Variants in LRRK1 observed in about 807,000 individuals in gnomAD.
The protein encoded by LRRK1 is leucine-rich repeat serine/threonine-protein kinase 1.
LRRK1 carries 113 observed loss-of-function variants against 209.1 expected under a neutral mutation model. The ratio of observed to expected loss-of-function variants is 0.54; its 90% confidence interval spans 0.46 to 0.63. The LOEUF is 0.63. LRRK1 is among the 30% of genes least tolerant of loss of function. LRRK1 has a pLI of 0.00. For missense variants in LRRK1, 2,284 were observed against 2,632.2 expected (o/e 0.87, Z 2.89); for synonymous variants, 1,144 against 1,099.7 (o/e 1.04, Z -0.80).
chr15:100,933,461 TATTA>T (rs774066375), intron 2 of LRRK1, among the ~76,000 whole-genome samples: 2 of 152,228 alleles, frequency 1.3e-5, no homozygotes, highest in African/African-American at 4.8e-5. Context: ...CTGGAACTCC[TATTA>T]ATTAAGATAC....
intron 6 of LRRK1, among the ~76,000 whole-genome samples, chr15:101,003,282 C>A (rs940570625): frequency 4.6e-5 from 7 of 152,190 alleles, no homozygotes; most frequent in African/African-American, 1.7e-4. Flanking sequence ...ACTTCCCTCC[C>A]AGCTTGAGTT....
At position 101,026,033 on chromosome 15, in the gene LRRK1, T is replaced by C; in HGVS notation, c.2301T>C (p.Arg767=). The C allele has an allele frequency of 1.2e-6, 2 of 1,614,230 alleles. No individual in the cohort carries two copies. Among genetic ancestry groups the C allele is most frequent in the South Asian group, 1.1e-5 (1 of 91,082 alleles). Residue 767 remains arginine (R), a synonymous_variant, in exon 17 of 34, where the codon CGT becomes CGC. Coordinates refer to ENST00000388948, the MANE Select transcript of LRRK1 (RefSeq NM_024652.6). ...TGGATTTAATTGAAGCCAAGTTCCG[T>C]GTGGAAAGGATTGCAACGCTGCGTG... The part of the protein sequence containing the change: ...THLDLIEAKF[R]VERIATLRAY...
chr15:100,991,644 G>T (rs1305597375), intron 6 of LRRK1, among the ~76,000 whole-genome samples: 1 of 152,088 alleles, frequency 6.6e-6, no homozygotes, highest in East Asian at 1.9e-4. Flanking sequence ...TTGGATATAT[G>T]ATCACATATT....
At chr15:101,003,493 A>G (rs1297512563) in intron 6 of LRRK1, among the ~76,000 whole-genome samples, 1 of 152,222 alleles carries the variant, frequency 6.6e-6, no homozygotes, top group Admixed American at 6.5e-5. Context: ...AAGAGGTTTA[A>G]TGGACTCACA....
chr15:101,022,048 T>G lies in LRRK1; in HGVS notation c.1852+91T>G. 1.1e-6 allele frequency: 1 copy of G among 908,582 alleles called. No homozygotes were observed. Among genetic ancestry groups the G allele is most frequent in the Non-Finnish European group, 1.7e-6 (1 of 587,144 alleles). 56.3% of individuals were successfully genotyped at this position (908,582 alleles called of 1,614,324 possible). A position where few individuals can be genotyped will look rare whatever the true frequency, so the allele number is the denominator to read the frequency against. On this transcript the variant is annotated intron_variant, in intron 14 of 33. Transcript: ENST00000388948. The surrounding 1 kb of genome is among the most constrained non-coding windows in gnomAD (Gnocchi z 4.0). ...AAGTTCTGGGGGTGGAGACAGTTGGTGACCCATGGAGCCCAGCTCCAGGTT... is the reference window on the plus strand; with the variant it reads ...AAGTTCTGGGGGTGGAGACAGTTGGGGACCCATGGAGCCCAGCTCCAGGTT...
intron 6 of LRRK1, 107 bp downstream of exon 6, chr15:100,989,505 A>T: frequency 8.2e-7 from 1 of 1,212,308 alleles, no homozygotes; most frequent in Admixed American, 2.1e-5. Flanking sequence ...TTTGGCTTAC[A>T]GGTCTGGAGA....
intron 2 of LRRK1, among the ~76,000 whole-genome samples, chr15:100,973,453 C>T (rs896887880): frequency 6.6e-6 from 1 of 152,180 alleles, no homozygotes; most frequent in Non-Finnish European, 1.5e-5. Context: ...GGCTGAGACC[C>T]GCGGCTCTCT....
Position 100,931,396 on chromosome 15 carries a change from CAG to C in LRRK1, c.97+6671_97+6672del, listed in dbSNP as rs138280730. On this transcript the variant is annotated intron_variant, in intron 2 of 33. Transcript: ENST00000388948. ...TGACACTTTGAACTTTTCAGTGACTCAGAGATATTTAAAGGCAGAGAACATCT... is the reference window on the plus strand; with the variant it reads ...TGACACTTTGAACTTTTCAGTGACTCAGATATTTAAAGGCAGAGAACATCT... 3.9e-5 allele frequency among the ~76,000 whole-genome samples: 6 copies of C among 152,214 alleles called. No homozygotes were observed. In the East Asian group the frequency reaches 1.2e-3, roughly 29 times the overall value.
chr15:100,972,428 G>A (rs2030980643), intron 2 of LRRK1, among the ~76,000 whole-genome samples: 1 of 151,056 alleles, frequency 6.6e-6, no homozygotes, highest in Non-Finnish European at 1.5e-5. Context: ...AGAATAAAGA[G>A]AAGGTTGGCA....
rs954895699 is a variant in LRRK1 at position 100,924,574 on chromosome 15, C to T, written c.-59C>T. 41 of 1,450,924 alleles carry T rather than the reference C, an allele frequency of 2.8e-5. No homozygotes were observed. The highest frequency in any genetic ancestry group is 5.6e-5 in the African/African-American group (4 of 71,614). 89.9% of individuals were successfully genotyped at this position (1,450,924 alleles called of 1,614,324 possible). On this transcript the variant is annotated 5_prime_UTR_variant, in exon 2 of 34. Coordinates refer to ENST00000388948, the MANE Select transcript of LRRK1 (RefSeq NM_024652.6). ...ACGCCTTAATGCACCCCACAGCCAG[C>T]GGCAGTGGCAGTGACAACAGCGGGA...
chr15:100,963,012 G>A (rs928415358), intron 2 of LRRK1, among the ~76,000 whole-genome samples: 2 of 149,574 alleles, frequency 1.3e-5, no homozygotes, highest in African/African-American at 2.5e-5. Context: ...TAGTAGAGAT[G>A]GGGTTTCGCC....
chr15:101,064,153 TAG>T (rs1200870937), intron 31 of LRRK1, among the ~76,000 whole-genome samples: 1 of 152,256 alleles, frequency 6.6e-6, no homozygotes, highest in Non-Finnish European at 1.5e-5. Flanking sequence ...GGACTGCAGA[TAG>T]AGACCTGGAG....
chr15:100,934,626 CAAAAAAAAAA>C (rs71151991), intron 2 of LRRK1, among the ~76,000 whole-genome samples: 6 of 72,378 alleles, frequency 8.3e-5, no homozygotes, highest in South Asian at 1.0e-3. Context: ...CCCATCTCTA[CAAAAAAAAAA>C]AAAAAAAAAA....
rs1026190245 is a variant in LRRK1, at chr15:101,021,169, C to T, written c.1726C>T (p.Leu576Phe). The T allele has an allele frequency of 2.5e-6, 4 of 1,614,012 alleles. No individual in the cohort carries two copies. The South Asian group carries it at 4.4e-5, about 18-fold the overall frequency. Residue 576 changes from leucine (L) to phenylalanine (F), a missense_variant, in exon 13 of 34, where the codon CTC (leucine) becomes TTC (phenylalanine). This residue lies in a region of LRRK1 where 494 missense variants were observed against 522.1 expected (regional missense o/e 0.95). Transcript: ENST00000388948. ...SVCLLKSLSE[L>F]YLGNNPGLRE... ...TTGCCTACTGAAGAGCTTATCAGAG[C>T]TCTACTTGGGAAAGTAAGTACACAT...
chr15:101,066,265 C>T (rs2141164994), intron 32 of LRRK1, 60 bp downstream of exon 32: 17 of 1,540,508 alleles, frequency 1.1e-5, no homozygotes, highest in Non-Finnish European at 1.5e-5. Context: ...GCTCTGGGGA[C>T]AGAGCAAGGG....
chr15:101,008,570 C>T (rs907296510), intron 6 of LRRK1, among the ~76,000 whole-genome samples: 1 of 151,900 alleles, frequency 6.6e-6, no homozygotes, highest in Admixed American at 6.5e-5. Context: ...CCGCGCCCAC[C>T]GGCGCCCTCT....
intron 28 of LRRK1, among the ~76,000 whole-genome samples, chr15:101,057,352 T>C (rs1465675807): frequency 6.6e-6 from 1 of 152,148 alleles, no homozygotes; most frequent in Non-Finnish European, 1.5e-5. Flanking sequence ...ACAGAGAGAA[T>C]GTGGGTGTCT....
chr15:100,951,041 T>TG (rs985430477), intron 2 of LRRK1, among the ~76,000 whole-genome samples: 1 of 152,212 alleles, frequency 6.6e-6, no homozygotes, highest in African/African-American at 2.4e-5. Context: ...AGGCGGAGCT[T>TG]GCAGGGAGCA....
Position 101,062,708 on chromosome 15 carries a change from G to A in LRRK1, c.4914+18G>A. The A allele has an allele frequency of 6.5e-7, 1 of 1,546,500 alleles. No homozygotes were observed. Among genetic ancestry groups the A allele is most frequent in the Non-Finnish European group, 8.9e-7 (1 of 1,118,374 alleles). On this transcript the variant is annotated intron_variant, in intron 31 of 33. Transcript: ENST00000388948. ...TTAAAAAGGTGAGGTCGGGGCAAAG[G>A]CAGGTATGCAGGTCTCTGATGCACT...
Sources: allele counts gnomAD v4.1 joint callset (sites outside exome capture counted in the v4.1 genomes callset), GRCh38; gene constraint gnomAD v4.1.1; regional missense constraint gnomAD v4.1.1; non-coding constraint Gnocchi (gnomAD v3.1); transcripts MANE v1.5; gene names NCBI Gene and HGNC (gene_info 2026-07-23, HGNC 2026-07-21).